Variants in EPHA4 observed in about 807,000 individuals in gnomAD.
The protein encoded by EPHA4 is EPH receptor A4.
EPHA4 carries 19 observed loss-of-function variants against 108.3 expected under a neutral mutation model. The observed-to-expected ratio is 0.18, with a 90% CI of 0.12 to 0.26. The LOEUF (loss-of-function observed/expected upper bound fraction) is 0.26, where lower values mean the gene tolerates loss of function less well. Among genes scored for constraint, EPHA4 ranks in the 10% least tolerant of loss-of-function variants. The pLI, the probability that EPHA4 is intolerant of heterozygous loss-of-function variation, is 1.00. For synonymous variants in EPHA4, 449 were observed against 455.5 expected, an observed-to-expected ratio of 0.99 and a Z score of 0.18; for missense variants, 917 against 1,254.0, an observed-to-expected ratio of 0.73 and a Z score of 4.06.
intron 3 of EPHA4, among the ~76,000 whole-genome samples, chr2:221,554,300 G>C (rs997786179): frequency 3.9e-5 from 6 of 152,140 alleles, no homozygotes; most frequent in Non-Finnish European, 5.9e-5. Context: ...AACTGACTTT[G>C]CTTTTACTTA....
chr2:221,458,398 C>T (rs1449133387), intron 5 of EPHA4, among the ~76,000 whole-genome samples: 2 of 152,278 alleles, frequency 1.3e-5, no homozygotes, highest in South Asian at 2.1e-4. Context: ...ATTATGAGTG[C>T]CATCTTACTG....
chr2:221,531,973 C>T (rs1384294569), intron 3 of EPHA4, among the ~76,000 whole-genome samples: 1 of 152,140 alleles, frequency 6.6e-6, no homozygotes, highest in Non-Finnish European at 1.5e-5. Flanking sequence ...GAACAAGGAC[C>T]TGCAGCCCCA....
At chr2:221,517,281 G>A (rs1238687229) in intron 3 of EPHA4, among the ~76,000 whole-genome samples, 1 of 152,168 alleles carries the variant, frequency 6.6e-6, no homozygotes, top group Non-Finnish European at 1.5e-5. Flanking sequence ...CAGTAGGCAT[G>A]TATTAGACAG....
intron 3 of EPHA4, among the ~76,000 whole-genome samples, chr2:221,551,303 C>A (rs760804611): frequency 7.2e-5 from 11 of 152,036 alleles, no homozygotes; most frequent in Non-Finnish European, 1.2e-4. Context: ...TCAGTGATAA[C>A]CAGCTAGAAG....
intron 11 of EPHA4, among the ~76,000 whole-genome samples, chr2:221,437,757 C>CAAAAAAA (rs538233784): frequency 6.1e-4 from 77 of 125,886 alleles, no homozygotes; most frequent in African/African-American, 8.8e-4. Flanking sequence ...ACTAAAAATA[C>CAAAAAAA]AAAAAAAAAA....
chr2:221,492,809 G>T (rs1201467704), intron 4 of EPHA4, among the ~76,000 whole-genome samples: 2 of 152,178 alleles, frequency 1.3e-5, no homozygotes, highest in Non-Finnish European at 2.9e-5. Flanking sequence ...CATATGTTCT[G>T]AACTAAAAAC....
chr2:221,520,738 C>A (rs1381185966), intron 3 of EPHA4, among the ~76,000 whole-genome samples: 1 of 152,176 alleles, frequency 6.6e-6, no homozygotes, highest in Admixed American at 6.5e-5. Context: ...CATGTAATCT[C>A]TGATTTTGTT....
intron 3 of EPHA4, among the ~76,000 whole-genome samples, chr2:221,545,707 T>C (rs1009990737): frequency 1.3e-5 from 2 of 152,182 alleles, no homozygotes; most frequent in Non-Finnish European, 2.9e-5. Context: ...CAGCTTTCCC[T>C]GTCACTCATC....
intron 8 of EPHA4, among the ~76,000 whole-genome samples, chr2:221,455,115 T>C (rs1690904656): frequency 6.6e-6 from 1 of 152,230 alleles, no homozygotes; most frequent in Non-Finnish European, 1.5e-5. Flanking sequence ...ATAATAATTA[T>C]CTCTATTTTA....
chr2:221,536,435 G>A (rs929541615), intron 3 of EPHA4, among the ~76,000 whole-genome samples: 2 of 152,122 alleles, frequency 1.3e-5, no homozygotes, highest in African/African-American at 2.4e-5. Context: ...CCGGCCTTAC[G>A]ATGCTCTGCA....
At chr2:221,452,931 G>C (rs748659106) in intron 8 of EPHA4, among the ~76,000 whole-genome samples, 1 of 152,086 alleles carries the variant, frequency 6.6e-6, no homozygotes, top group African/African-American at 2.4e-5. Flanking sequence ...TTGTCTCCCC[G>C]CATTACATTT....
intron 3 of EPHA4, among the ~76,000 whole-genome samples, chr2:221,547,646 T>C (rs186533653): frequency 2.6e-5 from 4 of 152,348 alleles, no homozygotes; most frequent in Admixed American, 2.6e-4. Context: ...CGGGGCACTC[T>C]TAACAAGTCA....
In EPHA4 at chr2:221,458,517, C is replaced by T. The variant is rs933521157; in HGVS notation, c.1319-527G>A. Among the ~76,000 whole-genome samples the T allele has an allele frequency of 5.9e-5, 9 of 152,194 alleles. No individual in the cohort carries two copies. In the East Asian group the frequency reaches 1.7e-3, roughly 29 times the overall value. ...CTTTCCAATATAAATAAAAGTACTG[C>T]TTAATCACAGTAAGAGTTCAGTCTG... On this transcript the variant is annotated intron_variant, in intron 5 of 17. Coordinates refer to ENST00000281821, the MANE Select transcript of EPHA4 (RefSeq NM_004438.5).
chr2:221,500,662 C>T (rs991308536), intron 4 of EPHA4, among the ~76,000 whole-genome samples: 2 of 152,126 alleles, frequency 1.3e-5, no homozygotes, highest in African/African-American at 2.4e-5. Context: ...CAAACCCTGC[C>T]GTCTACCTGT....
At chr2:221,520,545 G>C (rs2565747) in intron 3 of EPHA4, among the ~76,000 whole-genome samples, 47 of 31,504 alleles carry the variant, frequency 1.5e-3, no homozygotes, top group African/African-American at 6.0e-3. Flanking sequence ...CACACACACA[G>C]AGAGAGAGAG....
rs542778275 is a variant in EPHA4, at chr2:221,527,128, A to G, written c.824-25956T>C. Among the ~76,000 whole-genome samples, 5 of 152,050 alleles carry G rather than the reference A, an allele frequency of 3.3e-5. 1 individual carries two copies. Among genetic ancestry groups the G allele is most frequent in the South Asian group, 4.2e-4 (2 of 4,814 alleles). On this transcript the variant is annotated intron_variant, in intron 3 of 17. Transcript: ENST00000281821. ...AACAGAGTGAGACTCTGTCTAAAGG[A>G]AAAAAAAGAATCTGAATCTACTACT...
intron 3 of EPHA4, among the ~76,000 whole-genome samples, chr2:221,541,015 T>TCCACCTCA (rs1449524933): frequency 6.2e-5 from 9 of 146,048 alleles, no homozygotes; most frequent in Non-Finnish European, 1.0e-4. Context: ...GACACAATCA[T>TCCACCTCA]AGCTCACTGC....
intron 5 of EPHA4, among the ~76,000 whole-genome samples, chr2:221,460,734 G>A (rs987084895): frequency 4.6e-5 from 7 of 152,004 alleles, no homozygotes; most frequent in Admixed American, 4.6e-4. Context: ...TTTACATCTA[G>A]AAGGCATCAC....
chr2:221,535,593 T>C (rs1313733910), intron 3 of EPHA4, among the ~76,000 whole-genome samples: 2 of 152,092 alleles, frequency 1.3e-5, no homozygotes, highest in African/African-American at 4.8e-5. Flanking sequence ...TTCTGTTTTT[T>C]TTCCTCTTCA....
Sources: gnomAD v4.1 joint callset for allele counts (sites outside exome capture counted in the v4.1 genomes callset) on GRCh38, gnomAD v4.1.1 for gene constraint, MANE v1.5 for transcripts, NCBI Gene and HGNC (gene_info 2026-07-23, HGNC 2026-07-21) for gene names.